PDE1A: variants seen among roughly 807,000 people sequenced by gnomAD.
PDE1A encodes dual specificity calcium/calmodulin-dependent 3',5'-cyclic nucleotide phosphodiesterase 1A.
Under a neutral mutation model 61.7 loss-of-function variants are expected in PDE1A, and 35 were observed. That is an observed-to-expected ratio of 0.57 (90% CI 0.43 to 0.75). The LOEUF is 0.75. Ranked by LOEUF, PDE1A falls within the 30% of genes least tolerant of loss-of-function variation. The pLI is 0.00. For synonymous variants in PDE1A, 232 were observed against 213.2 expected, an observed-to-expected ratio of 1.09 and a Z score of -0.77; for missense variants, 597 against 630.6, an observed-to-expected ratio of 0.95 and a Z score of 0.57.
chr2:182,363,974 T>A (rs1699666418), intron 1 of PDE1A, among the ~76,000 whole-genome samples: 1 of 151,968 alleles, frequency 6.6e-6, no homozygotes, highest in Admixed American at 6.6e-5. Context: ...CATCACCAAG[T>A]CAGCCACCCA....
At chr2:182,155,084 C>T (rs1419634598) in intron 13 of PDE1A, among the ~76,000 whole-genome samples, 20 of 111,474 alleles carry the variant, frequency 1.8e-4, no homozygotes, top group Admixed American at 7.7e-4. Context: ...TTTAATTCTG[C>T]TTTTTTTTTT....
chr2:182,388,670 T>TA (rs1346221373), intron 1 of PDE1A, among the ~76,000 whole-genome samples: 1 of 151,828 alleles, frequency 6.6e-6, no homozygotes, highest in Non-Finnish European at 1.5e-5. Context: ...AAAGCAGTTA[T>TA]AAGAGGAAAG....
At chr2:182,658,524 G>T in the PDE1A span, among the ~76,000 whole-genome samples, 1 of 152,152 alleles carries the variant, frequency 6.6e-6, no homozygotes, top group East Asian at 1.9e-4. Context: ...GCACTTCAAC[G>T]TATCTTTTTA....
chr2:182,652,449 A>G, the PDE1A span, among the ~76,000 whole-genome samples: 1 of 152,180 alleles, frequency 6.6e-6, no homozygotes, highest in African/African-American at 2.4e-5. Context: ...CCTCAGCGTC[A>G]GAGGAACCCT....
intron 1 of PDE1A, among the ~76,000 whole-genome samples, chr2:182,391,865 A>G (rs544309663): frequency 6.6e-6 from 1 of 152,298 alleles, no homozygotes; most frequent in African/African-American, 2.4e-5. Flanking sequence ...TTCTTACATA[A>G]TTTGTACATG....
intron 10 of PDE1A, 23 bp from the exon 11 acceptor site, chr2:182,189,083 A>G: frequency 6.5e-7 from 1 of 1,545,070 alleles, no homozygotes; most frequent in Non-Finnish European, 8.9e-7. Flanking sequence ...AAGCACATTA[A>G]TATAGACTTG....
chr2:182,612,809 GA>G, the PDE1A span, among the ~76,000 whole-genome samples: 2 of 152,190 alleles, frequency 1.3e-5, no homozygotes, highest in Admixed American at 6.5e-5. Flanking sequence ...AAATTGAACA[GA>G]AACGAGATTA....
chr2:182,171,404 T>C (rs1692200888), intron 13 of PDE1A, among the ~76,000 whole-genome samples: 1 of 151,972 alleles, frequency 6.6e-6, no homozygotes, highest in Non-Finnish European at 1.5e-5. Context: ...AGGGAAACCA[T>C]CAGGCTTTTG....
chr2:182,310,783 T>C (rs1185312367), intron 1 of PDE1A, among the ~76,000 whole-genome samples: 1 of 152,180 alleles, frequency 6.6e-6, no homozygotes, highest in Admixed American at 6.5e-5. Flanking sequence ...TATGTGCTCA[T>C]CAAACTCATT....
At chr2:182,416,679 T>C (rs985470343) in intron 1 of PDE1A, among the ~76,000 whole-genome samples, 1 of 152,134 alleles carries the variant, frequency 6.6e-6, no homozygotes, top group African/African-American at 2.4e-5. Flanking sequence ...TGAAGCACAG[T>C]GAATTTCAGA....
chr2:182,302,158 C>T (rs1695285223), intron 1 of PDE1A, among the ~76,000 whole-genome samples: 1 of 152,198 alleles, frequency 6.6e-6, no homozygotes, highest in African/African-American at 2.4e-5. Flanking sequence ...CAGCCCTTAA[C>T]ATTTCCATAC....
the PDE1A span, among the ~76,000 whole-genome samples, chr2:182,599,807 G>C: frequency 6.6e-6 from 1 of 152,252 alleles, no homozygotes; most frequent in East Asian, 1.9e-4. Context: ...CTGTGCTATA[G>C]GCATCAGAGA....
intron 2 of PDE1A, among the ~76,000 whole-genome samples, chr2:182,432,579 G>A (rs1236122843): frequency 6.6e-6 from 1 of 152,020 alleles, no homozygotes; most frequent in Non-Finnish European, 1.5e-5. Flanking sequence ...TATTTGTTAA[G>A]TGAATGAATA....
chr2:182,598,805 T>G, the PDE1A span, among the ~76,000 whole-genome samples: 1 of 152,206 alleles, frequency 6.6e-6, no homozygotes, highest in Non-Finnish European at 1.5e-5. Flanking sequence ...CAGTTACTAT[T>G]ACTGCGTAAC....
At chr2:182,432,433 TGTTGTTGTTGTTGTA>T (rs1266936173) in intron 2 of PDE1A, among the ~76,000 whole-genome samples, 3 of 151,342 alleles carry the variant, frequency 2.0e-5, no homozygotes, top group African/African-American at 7.3e-5. Context: ...CTGTTGTTGT[TGTTGTTGTTGTTGTA>T]GTTGTTGTTG....
the PDE1A span, among the ~76,000 whole-genome samples, chr2:182,663,736 C>G: frequency 1.3e-5 from 2 of 151,828 alleles, no homozygotes; most frequent in East Asian, 1.9e-4. Flanking sequence ...AGGCTTAGTA[C>G]GTGAGTGACA....
chr2:182,177,195 C>A (rs950590635), intron 13 of PDE1A, among the ~76,000 whole-genome samples: 1 of 151,908 alleles, frequency 6.6e-6, no homozygotes, highest in Admixed American at 6.6e-5. Flanking sequence ...ATGATGCTGG[C>A]CTCATAAAAT....
chr2:182,342,995 G>A (rs922749102), intron 1 of PDE1A, among the ~76,000 whole-genome samples: 12 of 152,160 alleles, frequency 7.9e-5, no homozygotes, highest in African/African-American at 2.7e-4. Flanking sequence ...ATGTTTGTGT[G>A]TGAATACATG....
chr2:182,221,946 C>T (rs2125599903), intron 7 of PDE1A, among the ~76,000 whole-genome samples: 1 of 151,748 alleles, frequency 6.6e-6, no homozygotes, highest in Non-Finnish European at 1.5e-5. Context: ...ATCTTAGGGT[C>T]CTTTAAGTTC....
Sources: gnomAD v4.1 joint callset for allele counts (sites outside exome capture counted in the v4.1 genomes callset) on GRCh38, gnomAD v4.1.1 for gene constraint, MANE v1.5 for transcripts, NCBI Gene and HGNC (gene_info 2026-07-23, HGNC 2026-07-21) for gene names.